ATRN: variants seen among roughly 807,000 people sequenced by gnomAD.
The protein encoded by ATRN is attractin-2.
In ATRN, 54 loss-of-function variants were observed where a neutral mutation model predicts 178.7. The ratio of observed to expected loss-of-function variants is 0.30; its 90% CI spans 0.24 to 0.38. The LOEUF is 0.38. Among genes scored for constraint, ATRN ranks in the 10% least tolerant of loss-of-function variants. ATRN has a pLI of 1.00. For synonymous variants in ATRN, 636 were observed against 663.0 expected, an observed-to-expected ratio of 0.96 and a Z score of 0.63; for missense variants, 1,443 against 1,815.1, an observed-to-expected ratio of 0.79 and a Z score of 3.73.
At chr20:3,594,450 T>TGA in intron 19 of ATRN, 29 bp from the exon 20 acceptor site, 1 of 1,564,388 alleles carries the variant, frequency 6.4e-7, no homozygotes, top group Middle Eastern at 1.7e-4. Context: ...AAGCCAGTTG[T>TGA]GACCTCTGTT....
intron 6 of ATRN, among the ~76,000 whole-genome samples, chr20:3,553,113 C>T (rs1181740038): frequency 6.6e-6 from 1 of 152,098 alleles, no homozygotes; most frequent in Non-Finnish European, 1.5e-5. Flanking sequence ...CTTGTTAGCT[C>T]TACCTTTAGA....
At position 3,539,413 on chromosome 20, in the gene ATRN, G is replaced by T. The variant is rs78308834; in HGVS notation, c.495-809G>T. On this transcript the variant is annotated intron_variant, in intron 2 of 28. Transcript: ENST00000262919. ...TTGTAAAATATGTGATACTTAAGCA[G>T]ATTTGAATGTGGATGCAAAAGTTCC... Among the ~76,000 whole-genome samples the T allele has an allele frequency of 9.3e-3, 1,418 of 152,338 alleles. 11 individuals are homozygous for T. Among genetic ancestry groups the T allele is most frequent in the South Asian group, 0.017 (82 of 4,830 alleles).
intron 3 of ATRN, among the ~76,000 whole-genome samples, chr20:3,541,313 G>A (rs561641861): frequency 1.3e-5 from 2 of 151,884 alleles, no homozygotes; most frequent in Admixed American, 6.6e-5. Context: ...TCCTGACCTC[G>A]TGATCCGCCC....
chr20:3,602,456 T>C (rs2086623185), intron 23 of ATRN, among the ~76,000 whole-genome samples: 1 of 152,230 alleles, frequency 6.6e-6, no homozygotes, highest in Non-Finnish European at 1.5e-5. Context: ...TCATTATTAC[T>C]ATTACAATAC....
At position 3,497,930 on chromosome 20, in the gene ATRN, A is replaced by C. The variant is rs1600034192; in HGVS notation, c.410+26413A>C. The stretch of plus-strand genomic sequence containing the variant: ...ATTCATTTCATCAACAAAATTGATA[A>C]ACTGCTAGCAAGACTAATAAAGAAA... On this transcript the variant is annotated intron_variant, in intron 1 of 28. Transcript: ENST00000262919. Among the ~76,000 whole-genome samples, 3 of 152,112 alleles carry C rather than the reference A, an allele frequency of 2.0e-5. No homozygotes were observed. The South Asian group carries it at 6.2e-4, about 32-fold the overall frequency.
intron 1 of ATRN, among the ~76,000 whole-genome samples, chr20:3,471,779 G>A (rs1302125630): frequency 1.3e-5 from 2 of 152,224 alleles, no homozygotes; most frequent in Non-Finnish European, 2.9e-5. Context: ...TAGATGGGAA[G>A]AATGCTGAGG....
At chr20:3,546,795 C>A (rs2085709676) in intron 4 of ATRN, among the ~76,000 whole-genome samples, 1 of 152,128 alleles carries the variant, frequency 6.6e-6, no homozygotes, top group East Asian at 1.9e-4. Context: ...GGGCAGTAAC[C>A]TTAAATTCTA....
At chr20:3,521,416 G>A (rs1207893779) in intron 1 of ATRN, among the ~76,000 whole-genome samples, 2 of 151,578 alleles carry the variant, frequency 1.3e-5, no homozygotes, top group Non-Finnish European at 2.9e-5. Context: ...ATTTCATAAA[G>A]ACAAACATGT....
intron 1 of ATRN, among the ~76,000 whole-genome samples, chr20:3,485,559 T>C (rs886440167): frequency 1.3e-5 from 2 of 151,812 alleles, no homozygotes; most frequent in South Asian, 2.1e-4. Context: ...GGCCATGATA[T>C]GTTTTTTAAT....
At chr20:3,591,129 C>T in intron 18 of ATRN, 40 bp from the exon 19 acceptor site, 2 of 1,537,388 alleles carry the variant, frequency 1.3e-6, no homozygotes, top group Non-Finnish European at 1.8e-6. Flanking sequence ...ACATGCAGTT[C>T]TTCCATGGTA....
At chr20:3,616,420 G>A (rs1208200673) in intron 24 of ATRN, among the ~76,000 whole-genome samples, 1 of 151,986 alleles carries the variant, frequency 6.6e-6, no homozygotes, top group Non-Finnish European at 1.5e-5. Context: ...AGAGGGGAGG[G>A]GAGTGCCCTG....
rs2084766724 is a variant in ATRN, at chr20:3,490,170, C to G, written c.410+18653C>G. ...GGACTTTCCTTTGGTACTGAATAGT[C>G]TCTGGGCTTGCTCTTCTACGGTCCG... On this transcript the variant is annotated intron_variant, in intron 1 of 28. Coordinates refer to ENST00000262919, the MANE Select transcript of ATRN (RefSeq NM_139321.3). The G allele has an allele frequency of 2.3e-5, 35 of 1,505,986 alleles. No individual in the cohort carries two copies. In the South Asian group the frequency reaches 3.9e-4, roughly 17 times the overall value. 93.3% of individuals were successfully genotyped at this position (1,505,986 alleles called of 1,614,324 possible).
intron 1 of ATRN, among the ~76,000 whole-genome samples, chr20:3,530,412 T>C (rs2085437356): frequency 6.7e-6 from 1 of 150,372 alleles, no homozygotes; most frequent in African/African-American, 2.4e-5. Context: ...TATAGGCACT[T>C]GCCACCATGC....
At chr20:3,641,590 C>CAAAAAAAAAA (rs61692220) in intron 27 of ATRN, among the ~76,000 whole-genome samples, 4 of 47,812 alleles carry the variant, frequency 8.4e-5, no homozygotes, top group Non-Finnish European at 1.0e-4. Flanking sequence ...GACTCTGTCG[C>CAAAAAAAAAA]AAAAAAAAAA....
intron 1 of ATRN, among the ~76,000 whole-genome samples, chr20:3,530,286 CAG>C (rs998864590): frequency 6.7e-6 from 1 of 148,610 alleles, no homozygotes; most frequent in African/African-American, 2.5e-5. Context: ...CTTTTGGAGA[CAG>C]AGTTTTGCTC....
chr20:3,587,485 T>A (rs2086374339), intron 18 of ATRN, among the ~76,000 whole-genome samples: 1 of 152,292 alleles, frequency 6.6e-6, no homozygotes, highest in Admixed American at 6.5e-5. Flanking sequence ...AGATTTTTTT[T>A]TTTTTTTAAC....
chr20:3,493,051 T>G (rs2084827667), intron 1 of ATRN, among the ~76,000 whole-genome samples: 1 of 146,814 alleles, frequency 6.8e-6, no homozygotes, highest in African/African-American at 2.5e-5. Context: ...TATAATTATA[T>G]ATGTATTATA....
Position 3,598,042 on chromosome 20 carries a change from A to G in ATRN, c.3564+42A>G, listed in dbSNP as rs759171006. The G allele has an allele frequency of 3.0e-6, 4 of 1,337,338 alleles. No homozygotes were observed. The South Asian group carries it at 3.5e-5, about 12-fold the overall frequency. The allele number at this position is 1,337,338 out of a possible 1,614,324, so 82.8% of individuals were successfully genotyped here. On this transcript the variant is annotated intron_variant, in intron 22 of 28. Transcript: ENST00000262919. ...TCTTCCTATTTTGTTTTGAATTTGTATGGATCTTTTTCTTGGTCATTACGG... is the reference window on the plus strand; with the variant it reads ...TCTTCCTATTTTGTTTTGAATTTGTGTGGATCTTTTTCTTGGTCATTACGG...
At chr20:3,561,621 T>C (rs2085954352) in intron 8 of ATRN, among the ~76,000 whole-genome samples, 1 of 152,234 alleles carries the variant, frequency 6.6e-6, no homozygotes. Context: ...TATCTGTTGT[T>C]GTGCAGTAGG....
Sources: gnomAD v4.1 joint callset for allele counts (sites outside exome capture counted in the v4.1 genomes callset) on GRCh38, gnomAD v4.1.1 for gene constraint, MANE v1.5 for transcripts, NCBI Gene and HGNC (gene_info 2026-07-23, HGNC 2026-07-21) for gene names.